The following PPP2R3A variants were observed in gnomAD, a reference collection of about 807,000 sequenced individuals.
PPP2R3A encodes the protein serine/threonine-protein phosphatase 2A regulatory subunit B'' subunit alpha.
Under a neutral mutation model 106.9 loss-of-function variants are expected in PPP2R3A, and 80 were observed. That is an observed-to-expected ratio of 0.75 (90% CI 0.62 to 0.90). PPP2R3A has a LOEUF of 0.90. Ranked by LOEUF, PPP2R3A falls within the 40% of genes least tolerant of loss-of-function variation. The pLI is 0.00. For synonymous variants in PPP2R3A, 483 were observed against 468.3 expected (o/e 1.03, Z -0.41); for missense variants, 1,386 against 1,350.4 (o/e 1.03, Z -0.41).
chr3:136,108,769 A>T (rs935810270), intron 13 of PPP2R3A, among the ~76,000 whole-genome samples: 1 of 152,146 alleles, frequency 6.6e-6, no homozygotes, highest in African/African-American at 2.4e-5. Context: ...ATAAATCAGC[A>T]TGCCTCAGTA....
chr3:136,056,909 C>T (rs993403966), intron 5 of PPP2R3A, among the ~76,000 whole-genome samples: 2 of 151,836 alleles, frequency 1.3e-5, no homozygotes, highest in African/African-American at 2.4e-5. Context: ...TAAAAATGGG[C>T]AAAGGCAACA....
chr3:136,035,535 G>C (rs1935057216), intron 3 of PPP2R3A, among the ~76,000 whole-genome samples: 1 of 152,178 alleles, frequency 6.6e-6, no homozygotes, highest in Admixed American at 6.5e-5. Context: ...TTTTGTTTGA[G>C]GAGGCTGAAG....
At chr3:136,018,940 C>CCCCAGA (rs1376160607) in intron 2 of PPP2R3A, among the ~76,000 whole-genome samples, 1 of 152,130 alleles carries the variant, frequency 6.6e-6, no homozygotes, top group Non-Finnish European at 1.5e-5. Flanking sequence ...AGGAAAGGAA[C>CCCCAGA]CCCAGACCCA....
chr3:136,031,367 C>G (rs963137396), intron 3 of PPP2R3A, among the ~76,000 whole-genome samples: 1 of 151,790 alleles, frequency 6.6e-6, no homozygotes, highest in Admixed American at 6.6e-5. Context: ...TTATTTTTTT[C>G]TTGTTGATAT....
intron 1 of PPP2R3A, among the ~76,000 whole-genome samples, chr3:135,997,041 C>T (rs1025480759): frequency 6.6e-6 from 1 of 152,154 alleles, no homozygotes; most frequent in Non-Finnish European, 1.5e-5. Context: ...TTCCTGGGTC[C>T]TCAAAGCTTT....
chr3:136,081,207 G>A (rs1936772068), intron 7 of PPP2R3A, among the ~76,000 whole-genome samples: 1 of 151,916 alleles, frequency 6.6e-6, no homozygotes, highest in Admixed American at 6.6e-5. Flanking sequence ...TGGCCAGGCT[G>A]GTCTTGAACT....
chr3:135,988,363 G>C (rs922070604), intron 1 of PPP2R3A, among the ~76,000 whole-genome samples: 7 of 151,446 alleles, frequency 4.6e-5, no homozygotes, highest in Admixed American at 1.3e-4. Context: ...AATATATCCA[G>C]AATCTGACCA....
chr3:136,030,210 C>A (rs1161558287), intron 3 of PPP2R3A, among the ~76,000 whole-genome samples: 1 of 142,718 alleles, frequency 7.0e-6, no homozygotes, highest in Non-Finnish European at 1.5e-5. Flanking sequence ...AGAGTGAGAA[C>A]CTGTCTCAAT....
chr3:136,079,904 C>A (rs530542738), intron 7 of PPP2R3A, among the ~76,000 whole-genome samples: 10 of 152,214 alleles, frequency 6.6e-5, no homozygotes, highest in African/African-American at 2.4e-4. Flanking sequence ...CTTCCCTGCC[C>A]CTTTCCTTAG....
chr3:135,977,640 A>G (rs1490309938), intron 1 of PPP2R3A, among the ~76,000 whole-genome samples: 2 of 150,958 alleles, frequency 1.3e-5, no homozygotes, highest in East Asian at 1.9e-4. Flanking sequence ...AAATTATTTT[A>G]AGATGCTCTT....
At chr3:135,979,310 C>T (rs909899589) in intron 1 of PPP2R3A, among the ~76,000 whole-genome samples, 1 of 150,746 alleles carries the variant, frequency 6.6e-6, no homozygotes, top group East Asian at 1.9e-4. Flanking sequence ...ACTCAGGAGG[C>T]GGAGGTTGCG....
intron 2 of PPP2R3A, among the ~76,000 whole-genome samples, chr3:136,007,085 C>G (rs1171446384): frequency 3.9e-5 from 6 of 152,190 alleles, no homozygotes; most frequent in Non-Finnish European, 1.5e-5. Context: ...ATCTGATCTT[C>G]TCTTTTTCCA....
At chr3:136,039,215 G>A (rs1185188917) in intron 3 of PPP2R3A, among the ~76,000 whole-genome samples, 1 of 152,146 alleles carries the variant, frequency 6.6e-6, no homozygotes, top group Non-Finnish European at 1.5e-5. Context: ...TAGAGGAGAG[G>A]CTTTTCCTCT....
At chr3:136,023,653 T>C (rs145120168) in intron 2 of PPP2R3A, among the ~76,000 whole-genome samples, 2 of 152,280 alleles carry the variant, frequency 1.3e-5, no homozygotes, top group South Asian at 2.1e-4. Context: ...TTAAAAAGTA[T>C]GTTAATCCTG....
chr3:136,106,308 A>T lies in PPP2R3A; in HGVS notation c.3315A>T (p.Ala1105=). 6.2e-7 allele frequency: 1 copy of T among 1,613,976 alleles called. No homozygotes were observed. Among genetic ancestry groups the T allele is most frequent in the Non-Finnish European group, 8.5e-7 (1 of 1,179,880 alleles). ...TTGTTGCAGAGGAATCTGCCCAAGCACAATTCCAGGAAGGGTGAGTAAGTT... is the reference window on the plus strand; with the variant it reads ...TTGTTGCAGAGGAATCTGCCCAAGCTCAATTCCAGGAAGGGTGAGTAAGTT... ...ETLVAEESAQ[A]QFQEGFEDYE... Residue 1105 remains alanine, a synonymous_variant, in exon 13 of 14, where the codon GCA becomes GCT. Coordinates refer to ENST00000264977, the MANE Select transcript of PPP2R3A (RefSeq NM_002718.5).
chr3:136,058,801 A>G (rs62226900), intron 5 of PPP2R3A, among the ~76,000 whole-genome samples: 1 of 152,340 alleles, frequency 6.6e-6, no homozygotes, highest in East Asian at 1.9e-4. Flanking sequence ...AAACAGATAC[A>G]TAGACCAATG....
intron 13 of PPP2R3A, among the ~76,000 whole-genome samples, chr3:136,127,160 ATGACTT>A (rs1938212289): frequency 6.6e-6 from 1 of 152,228 alleles, no homozygotes; most frequent in Admixed American, 6.5e-5. Context: ...TGGACAGAGA[ATGACTT>A]TGACGAGTTG....
At chr3:135,991,833 C>G (rs576560570) in intron 1 of PPP2R3A, among the ~76,000 whole-genome samples, 16 of 152,192 alleles carry the variant, frequency 1.1e-4, no homozygotes, top group African/African-American at 3.6e-4. Context: ...TTCTCCACTG[C>G]GGTAAAAATA....
chr3:136,017,203 T>C (rs1175115910), intron 2 of PPP2R3A, among the ~76,000 whole-genome samples: 1 of 152,188 alleles, frequency 6.6e-6, no homozygotes, highest in Non-Finnish European at 1.5e-5. Flanking sequence ...TCTGAGAGGT[T>C]TTTCTTTAAA....
Sources: gnomAD v4.1 joint callset for allele counts (sites outside exome capture counted in the v4.1 genomes callset) on GRCh38, gnomAD v4.1.1 for gene constraint, MANE v1.5 for transcripts, NCBI Gene and HGNC (gene_info 2026-07-23, HGNC 2026-07-21) for gene names.